ITSN2: variants seen among roughly 807,000 people sequenced by gnomAD.
The protein encoded by ITSN2 is intersectin 2.
Under a neutral mutation model 243.7 loss-of-function variants are expected in ITSN2, and 156 were observed. The observed-to-expected ratio is 0.64, with a 90% CI of 0.56 to 0.73. The LOEUF (loss-of-function observed/expected upper bound fraction) is 0.73, where lower values mean the gene tolerates loss of function less well. ITSN2 is among the 30% of genes least tolerant of loss of function. ITSN2 has a pLI of 0.00. For synonymous variants in ITSN2, 703 were observed against 699.9 expected, an observed-to-expected ratio of 1.00 and a Z score of -0.07; for missense variants, 1,801 against 1,996.1, an observed-to-expected ratio of 0.90 and a Z score of 1.86.
intron 19 of ITSN2, among the ~76,000 whole-genome samples, chr2:24,271,153 G>T (rs1677293706): frequency 6.6e-6 from 1 of 152,076 alleles, no homozygotes; most frequent in Admixed American, 6.5e-5. Flanking sequence ...AAAAAGGGGG[G>T]TCTCAAAAGA....
intron 1 of ITSN2, among the ~76,000 whole-genome samples, chr2:24,348,996 G>C (rs1339717916): frequency 2.6e-5 from 4 of 152,170 alleles, no homozygotes; most frequent in Non-Finnish European, 5.9e-5. Context: ...GCCAGTTGCA[G>C]TGGCTCACCC....
rs939491472 is a variant in ITSN2 at position 24,209,175 on chromosome 2, G to A, written c.4520C>T (p.Ser1507Phe). The A allele has an allele frequency of 2.5e-6, 4 of 1,614,122 alleles. No homozygotes were observed. In the Admixed American group the frequency reaches 5.0e-5, roughly 20 times the overall value. ...EVLVKLPTDPSSDEPVFHISH... is the reference protein window; with the variant it reads ...EVLVKLPTDPFSDEPVFHISH... Reference sequence around the variant, plus strand: ...AATGTGGAAGACAGGCTCATCGCTGGAAGGGTCTGTGGGCAGTTTCACCAA... The same window carrying A: ...AATGTGGAAGACAGGCTCATCGCTGAAAGGGTCTGTGGGCAGTTTCACCAA... Residue 1507 changes from serine to phenylalanine, a missense_variant, in exon 36 of 40, where the codon TCC becomes TTC. By Grantham distance (155) the Ser-to-Phe change is radical. Transcript: ENST00000355123.
At chr2:24,245,031 A>G (rs1407700316) in intron 29 of ITSN2, among the ~76,000 whole-genome samples, 1 of 150,044 alleles carries the variant, frequency 6.7e-6, no homozygotes, top group Non-Finnish European at 1.5e-5. Context: ...CATAAGAGAT[A>G]TATCATGAGA....
intron 32 of ITSN2, among the ~76,000 whole-genome samples, chr2:24,212,997 C>T (rs1264800083): frequency 2.0e-5 from 3 of 151,974 alleles, no homozygotes; most frequent in Non-Finnish European, 4.4e-5. Flanking sequence ...GAGGGGGCTT[C>T]GACTTTCTTT....
intron 1 of ITSN2, among the ~76,000 whole-genome samples, chr2:24,335,445 A>G (rs1418514910): frequency 6.6e-6 from 1 of 152,094 alleles, no homozygotes; most frequent in East Asian, 1.9e-4. Flanking sequence ...CAATCCGCCC[A>G]CCTCAGCCTC....
intron 2 of ITSN2, among the ~76,000 whole-genome samples, chr2:24,317,728 C>A (rs1347090337): frequency 6.6e-6 from 1 of 152,208 alleles, no homozygotes; most frequent in Non-Finnish European, 1.5e-5. Context: ...TATGTAGACA[C>A]CTACAGTATG....
In ITSN2 at chr2:24,209,170, C is replaced by T. The variant is rs1177704296; in HGVS notation, c.4525G>A (p.Asp1509Asn). The T allele has an allele frequency of 1.2e-5, 20 of 1,613,958 alleles. No homozygotes were observed. The highest frequency in any genetic ancestry group is 1.7e-5 in the Admixed American group (1 of 59,984). The change falls in exon 36 of 40, where the codon GAT becomes AAT. Residue 1509 changes from aspartate to asparagine, a missense_variant. By Grantham distance (23) the Asp-to-Asn change is conservative. Around this residue, in one of 5 missense-constraint regions of ITSN2, gnomAD observed 928 missense variants for 1,065.4 expected, o/e 0.87. Coordinates refer to ENST00000355123, the MANE Select transcript of ITSN2 (RefSeq NM_006277.3). Reference protein sequence around the residue: ...LVKLPTDPSSDEPVFHISHID... With the variant: ...LVKLPTDPSSNEPVFHISHID... ...TGGGAAATGTGGAAGACAGGCTCATCGCTGGAAGGGTCTGTGGGCAGTTTC... is the reference window on the plus strand; with the variant it reads ...TGGGAAATGTGGAAGACAGGCTCATTGCTGGAAGGGTCTGTGGGCAGTTTC...
chr2:24,211,029 AC>A lies in ITSN2; in HGVS notation c.4090-83del. On this transcript the variant is annotated intron_variant, in intron 33 of 39. Transcript: ENST00000355123. The surrounding 1 kb of genome is among the most constrained non-coding windows in gnomAD (Gnocchi z 4.1). ...GGACCTTCGCAGGACCGCTCCTCCA[AC>A]CCCATGTTATGGACTGCTTCCATGC... is the stretch of plus-strand genomic sequence containing the variant. The A allele has an allele frequency of 1.5e-6, 2 of 1,359,504 alleles. No individual in the cohort carries two copies. Among genetic ancestry groups the A allele is most frequent in the Non-Finnish European group, 2.1e-6 (2 of 968,082 alleles). 84.2% of individuals were successfully genotyped at this position (1,359,504 alleles called of 1,614,324 possible). A position where few individuals can be genotyped will look rare whatever the true frequency, so the allele number is the denominator to read the frequency against.
At chr2:24,240,193 T>C (rs1259471188) in intron 29 of ITSN2, 1 of 152,098 alleles carries the variant, frequency 6.6e-6, no homozygotes, top group Non-Finnish European at 1.5e-5. Flanking sequence ...TAAAAATGGA[T>C]TTAAAGTAAC....
intron 1 of ITSN2, among the ~76,000 whole-genome samples, chr2:24,342,816 C>T (rs945046423): frequency 6.6e-6 from 1 of 151,916 alleles, no homozygotes; most frequent in Non-Finnish European, 1.5e-5. Context: ...GCTGGCCTGG[C>T]ACAGTGGCTC....
At chr2:24,269,097 G>A (rs1203086802) in intron 20 of ITSN2, among the ~76,000 whole-genome samples, 1 of 149,842 alleles carries the variant, frequency 6.7e-6, no homozygotes, top group African/African-American at 2.5e-5. Context: ...TCCTTTTAAG[G>A]CTCCACTTCC....
Position 24,280,132 on chromosome 2 carries a change from C to G in ITSN2, c.1945-4283G>C, listed in dbSNP as rs7349329. Among the ~76,000 whole-genome samples, 335 of 152,348 alleles carry G rather than the reference C, an allele frequency of 2.2e-3. 1 individual carries two copies. The highest frequency in any genetic ancestry group is 7.5e-3 in the African/African-American group (313 of 41,584). On this transcript the variant is annotated intron_variant, in intron 17 of 39. Coordinates refer to ENST00000355123, the MANE Select transcript of ITSN2 (RefSeq NM_006277.3). ...ATAACTTGACCAAAAGAGTAAAAATCATTAATTCTGTACATGCATATTGCA... is the reference window on the plus strand; with the variant it reads ...ATAACTTGACCAAAAGAGTAAAAATGATTAATTCTGTACATGCATATTGCA...
chr2:24,300,994 A>G (rs1194489798), intron 11 of ITSN2, among the ~76,000 whole-genome samples, 160 bp downstream of exon 11: 1 of 152,196 alleles, frequency 6.6e-6, no homozygotes, highest in Non-Finnish European at 1.5e-5. Flanking sequence ...TGACCATCTT[A>G]ATTTTATCAA....
At chr2:24,205,482 GCT>G in intron 37 of ITSN2, 185 bp from the exon 38 acceptor site, 2 of 552,036 alleles carry the variant, frequency 3.6e-6, no homozygotes, top group Non-Finnish European at 6.6e-6. Context: ...GCCCCTGCTT[GCT>G]CTTTCTGCCC....
chr2:24,213,447 G>A (rs1669682995), intron 32 of ITSN2, among the ~76,000 whole-genome samples: 1 of 152,176 alleles, frequency 6.6e-6, no homozygotes, highest in Non-Finnish European at 1.5e-5. Context: ...TACACTCACT[G>A]TAATCCACCT....
chr2:24,254,692 A>G (rs551544887), intron 23 of ITSN2, among the ~76,000 whole-genome samples: 1 of 152,160 alleles, frequency 6.6e-6, no homozygotes, highest in Non-Finnish European at 1.5e-5. Flanking sequence ...AATGTGAGAT[A>G]TTTCGCCTTT....
chr2:24,264,144 C>A (rs565500964), intron 20 of ITSN2, among the ~76,000 whole-genome samples: 2 of 152,134 alleles, frequency 1.3e-5, no homozygotes, highest in Non-Finnish European at 2.9e-5. Context: ...GTAATCTCAG[C>A]ACTTTGGAAG....
chr2:24,307,564 T>C (rs909785180), intron 8 of ITSN2, among the ~76,000 whole-genome samples: 2 of 152,232 alleles, frequency 1.3e-5, no homozygotes, highest in South Asian at 2.1e-4. Flanking sequence ...CCTTGACTTA[T>C]CCCCATGCTT....
chr2:24,255,756 G>A (rs1247443708), intron 23 of ITSN2, among the ~76,000 whole-genome samples: 1 of 151,540 alleles, frequency 6.6e-6, no homozygotes, highest in Non-Finnish European at 1.5e-5. Context: ...GTGAAACCCT[G>A]TCTCTACTAA....
Sources: gnomAD v4.1 joint callset for allele counts (sites outside exome capture counted in the v4.1 genomes callset) on GRCh38, gnomAD v4.1.1 for gene constraint, gnomAD v4.1.1 regional missense constraint, Gnocchi (gnomAD v3.1) non-coding constraint, MANE v1.5 for transcripts, NCBI Gene and HGNC (gene_info 2026-07-23, HGNC 2026-07-21) for gene names.